NUDT6: variants seen among roughly 807,000 people sequenced by gnomAD.
The protein encoded by NUDT6 is nudix hydrolase 6.
NUDT6 carries 24 observed loss-of-function variants against 36.8 expected under a neutral mutation model. The observed-to-expected ratio is 0.65, with a 90% CI of 0.47 to 0.92. The LOEUF (loss-of-function observed/expected upper bound fraction) is 0.92. Ranked by LOEUF, NUDT6 falls within the 40% of genes least tolerant of loss-of-function variation. The probability of loss-of-function intolerance (pLI) is 0.00; values close to 1 mark genes in which losing one functional copy is unlikely to be tolerated. For synonymous variants in NUDT6, 163 were observed against 157.0 expected, an observed-to-expected ratio of 1.04 and a Z score of -0.29; for missense variants, 388 against 392.8, an observed-to-expected ratio of 0.99 and a Z score of 0.10.
At chr4:122,901,177 C>T (rs1727515189) in intron 3 of NUDT6, among the ~76,000 whole-genome samples, 1 of 152,128 alleles carries the variant, frequency 6.6e-6, no homozygotes, top group Admixed American at 6.5e-5. Flanking sequence ...TATGACCCCT[C>T]CCTGCTTTGA....
rs930214766 is a variant in NUDT6 at position 122,893,343 on chromosome 4, T to C, written c.554-118A>G. The C allele has an allele frequency of 4.2e-6, 4 of 950,626 alleles. No homozygotes were observed. In the African/African-American group the frequency reaches 6.7e-5, roughly 16 times the overall value. 58.9% of individuals were successfully genotyped at this position (950,626 alleles called of 1,614,324 possible). A position where few individuals can be genotyped will look rare whatever the true frequency, so the allele number is the denominator to read the frequency against. On this transcript the variant is annotated intron_variant, in intron 4 of 4. Transcript: ENST00000304430. ...GGCTCAAAACATTACCCTAACAAAGTAAAGTTTTCAATACAAATTCTTTGC... is the reference window on the plus strand; with the variant it reads ...GGCTCAAAACATTACCCTAACAAAGCAAAGTTTTCAATACAAATTCTTTGC...
intron 4 of NUDT6, chr4:122,893,772 CAT>C (rs1727263112): frequency 6.6e-6 from 1 of 152,172 alleles, no homozygotes; most frequent in African/African-American, 2.4e-5. Context: ...TTGCCATTAA[CAT>C]ATTTTTGTGG....
intron 1 of NUDT6, 77 bp from the exon 2 acceptor site, chr4:122,917,781 G>T: frequency 7.4e-7 from 1 of 1,349,816 alleles, no homozygotes; most frequent in Non-Finnish European, 1.0e-6. Flanking sequence ...TCAGGGTTTC[G>T]CCTCCTCCAG....
intron 3 of NUDT6, among the ~76,000 whole-genome samples, chr4:122,906,469 A>G (rs1343676930): frequency 6.6e-6 from 1 of 152,112 alleles, no homozygotes; most frequent in Non-Finnish European, 1.5e-5. Flanking sequence ...CTGCTATGTT[A>G]CTATATGCCA....
At chr4:122,916,123 G>C (rs540939440) in intron 2 of NUDT6, among the ~76,000 whole-genome samples, 1 of 152,254 alleles carries the variant, frequency 6.6e-6, no homozygotes, top group African/African-American at 2.4e-5. Flanking sequence ...ACCAGCAGCA[G>C]CAGCAGCAGC....
chr4:122,918,853 T>C (rs1044217226), intron 1 of NUDT6: 1 of 152,252 alleles, frequency 6.6e-6, no homozygotes, highest in South Asian at 2.1e-4. Flanking sequence ...GTACATAAAG[T>C]GAAATGTACA....
rs996037272 is a variant in NUDT6, at chr4:122,912,616, T to C, written c.450A>G (p.Val150=). ...GTATTTTTCTAGTACTTTCATCAAA[T>C]ACAGCTCCTATTAGGGGAAAAAGAA... ...ASHQVGVAGA[V]FDESTRKILV... The change falls in exon 3 of 5, where the codon GTA becomes GTG. Residue 150 remains valine (V), a synonymous_variant. Coordinates refer to ENST00000304430, the MANE Select transcript of NUDT6 (RefSeq NM_007083.5). 6.4e-7 allele frequency: 1 copy of C among 1,567,206 alleles called. No homozygotes were observed. The highest frequency in any genetic ancestry group is 8.8e-7 in the Non-Finnish European group (1 of 1,138,188).
chr4:122,894,679 CTAGTCT>C (rs1374020485), intron 4 of NUDT6: 6 of 152,116 alleles, frequency 3.9e-5, no homozygotes, highest in Non-Finnish European at 8.8e-5. Flanking sequence ...GATGGTAGCA[CTAGTCT>C]TAAATTGTAT....
At chr4:122,897,790 T>C in intron 3 of NUDT6, 112 bp from the exon 4 acceptor site, 1 of 756,742 alleles carries the variant, frequency 1.3e-6, no homozygotes, top group Non-Finnish European at 2.2e-6. Flanking sequence ...ATATATTTTT[T>C]AGTAATTGCA....
rs13134412 is a variant in NUDT6, at chr4:122,922,561, T to G, written c.12A>C (p.Pro4=). ...TCGCGCGCCAGCGGCCCCAGCTCAG[T>G]GGCTGCCGCATCTCCACGCCGCTTA... is the stretch of plus-strand genomic sequence containing the variant. MRQ[P]LSWGRWRAML... Residue 4 remains proline, a synonymous_variant, in exon 1 of 5, where the codon CCA becomes CCC. Coordinates refer to ENST00000304430, the MANE Select transcript of NUDT6 (RefSeq NM_007083.5). 2.5e-6 allele frequency: 4 copies of G among 1,597,292 alleles called. No individual in the cohort carries two copies. In the South Asian group the frequency reaches 4.4e-5, roughly 18 times the overall value.
intron 3 of NUDT6, among the ~76,000 whole-genome samples, chr4:122,905,223 C>G (rs1727596601): frequency 6.6e-6 from 1 of 152,196 alleles, no homozygotes; most frequent in Non-Finnish European, 1.5e-5. Flanking sequence ...CCCACTCGAT[C>G]TGGGAAGTCC....
chr4:122,903,730 G>A (rs960424868), intron 3 of NUDT6, among the ~76,000 whole-genome samples: 3 of 152,180 alleles, frequency 2.0e-5, no homozygotes, highest in Non-Finnish European at 4.4e-5. Context: ...CCTTCTGTGT[G>A]CTCGTGGTTC....
At chr4:122,902,552 T>C (rs558162644) in intron 3 of NUDT6, among the ~76,000 whole-genome samples, 2 of 152,348 alleles carry the variant, frequency 1.3e-5, no homozygotes, top group Non-Finnish European at 2.9e-5. Flanking sequence ...TTATTATTTG[T>C]ATCTTATGCA....
chr4:122,904,934 C>T lies in NUDT6; in HGVS notation c.499-7256G>A, dbSNP rs1041937619. ...CTTCAAGAATGAAGCCGCGGACCTT[C>T]GTGGTGAGTGTTAACAGCTCTTAAA... On this transcript the variant is annotated intron_variant, in intron 3 of 4. Transcript: ENST00000304430. Among the ~76,000 whole-genome samples, 4 of 152,176 alleles carry T rather than the reference C, an allele frequency of 2.6e-5. No homozygotes were observed. The South Asian group carries it at 6.2e-4, about 24-fold the overall frequency.
intron 3 of NUDT6, among the ~76,000 whole-genome samples, chr4:122,903,613 A>C (rs1290430472): frequency 6.6e-6 from 1 of 152,100 alleles, no homozygotes; most frequent in Non-Finnish European, 1.5e-5. Flanking sequence ...GTGATGCTGG[A>C]GCTGGGATTC....
At position 122,922,487 on chromosome 4, in the gene NUDT6, G is replaced by A; in HGVS notation, c.86C>T (p.Ala29Val). Residue 29 changes from alanine to valine, a missense_variant, in exon 1 of 5, where the codon GCC (alanine) becomes GTC (valine). Transcript: ENST00000304430. ...CCGCACGTAACCCTGTGCGCCCGAG[G>A]CCCAGCGGTAACCCGCCGAAGGCCC... is the stretch of plus-strand genomic sequence containing the variant. Reference protein sequence around the residue: ...GPGPSAGYRWASGAQGYVRNP... With the variant: ...GPGPSAGYRWVSGAQGYVRNP... The A allele has an allele frequency of 6.2e-7, 1 of 1,611,280 alleles. No homozygotes were observed. The highest frequency in any genetic ancestry group is 8.5e-7 in the Non-Finnish European group (1 of 1,179,786).
intron 1 of NUDT6, chr4:122,921,151 C>T (rs557737770): frequency 6.6e-6 from 1 of 152,322 alleles, no homozygotes; most frequent in Admixed American, 6.5e-5. Context: ...TTATTGAAGA[C>T]TGAAACCACC....
intron 2 of NUDT6, among the ~76,000 whole-genome samples, chr4:122,915,469 CAAAAAAAAAAAAA>C (rs61032259): frequency 1.9e-4 from 8 of 42,260 alleles, no homozygotes; most frequent in African/African-American, 3.3e-4. Context: ...GACCCTGCCT[CAAAAAAAAAAAAA>C]AAAAAAAAAA....
chr4:122,918,548 AATCTTT>A (rs1727899793), intron 1 of NUDT6: 1 of 152,210 alleles, frequency 6.6e-6, no homozygotes, highest in Admixed American at 6.5e-5. Flanking sequence ...CATCTCACTT[AATCTTT>A]ATAATAACGC....
Sources: allele counts gnomAD v4.1 joint callset (sites outside exome capture counted in the v4.1 genomes callset), GRCh38; gene constraint gnomAD v4.1.1; transcripts MANE v1.5; gene names NCBI Gene and HGNC (gene_info 2026-07-23, HGNC 2026-07-21).